The following PTPRG variants were observed in gnomAD, a reference collection of about 807,000 sequenced individuals.
PTPRG encodes the protein protein tyrosine phosphatase receptor type G.
In PTPRG, 102 loss-of-function variants were observed where a neutral mutation model predicts 165.3. The observed-to-expected ratio is 0.62, with a 90% CI of 0.53 to 0.73. The LOEUF (loss-of-function observed/expected upper bound fraction) is 0.73, where lower values mean the gene tolerates loss of function less well. PTPRG is among the 30% of genes least tolerant of loss of function. The pLI is 0.00. For synonymous variants in PTPRG, 675 were observed against 669.5 expected, an observed-to-expected ratio of 1.01 and a Z score of -0.13; for missense variants, 1,866 against 1,861.4, an observed-to-expected ratio of 1.00 and a Z score of -0.05.
chr3:62,183,255 G>C (rs947786124), intron 8 of PTPRG, among the ~76,000 whole-genome samples: 1 of 152,118 alleles, frequency 6.6e-6, no homozygotes, highest in African/African-American at 2.4e-5. Context: ...GATAGGACTC[G>C]TTACTATTAA....
At chr3:61,637,330 T>G (rs1394655010) in intron 1 of PTPRG, among the ~76,000 whole-genome samples, 20 of 152,170 alleles carry the variant, frequency 1.3e-4, no homozygotes, top group Non-Finnish European at 2.9e-5. Flanking sequence ...GGCAAATGAC[T>G]TGAAGGTTAA....
At chr3:61,732,823 C>T (rs2032567098) in intron 1 of PTPRG, among the ~76,000 whole-genome samples, 1 of 152,182 alleles carries the variant, frequency 6.6e-6, no homozygotes, top group South Asian at 2.1e-4. Flanking sequence ...TTCTTATCCC[C>T]ACTGCTCAGT....
chr3:62,098,320 C>T (rs1171457538), intron 5 of PTPRG, among the ~76,000 whole-genome samples: 1 of 152,006 alleles, frequency 6.6e-6, no homozygotes, highest in Admixed American at 6.6e-5. Context: ...TTGCATATCA[C>T]TTACATTGTA....
chr3:62,111,654 G>A (rs1047618629), intron 5 of PTPRG, among the ~76,000 whole-genome samples: 7 of 152,146 alleles, frequency 4.6e-5, no homozygotes, highest in African/African-American at 1.7e-4. Flanking sequence ...TCACTGTGTT[G>A]TCCAGGCTGG....
At chr3:62,061,732 G>A (rs539996567) in intron 4 of PTPRG, among the ~76,000 whole-genome samples, 2 of 151,126 alleles carry the variant, frequency 1.3e-5, no homozygotes, top group South Asian at 2.1e-4. Flanking sequence ...GGGTTTCAGC[G>A]ATTCTCCTGC....
At chr3:61,703,046 A>G (rs537356813) in intron 1 of PTPRG, among the ~76,000 whole-genome samples, 1 of 152,204 alleles carries the variant, frequency 6.6e-6, no homozygotes, top group East Asian at 1.9e-4. Flanking sequence ...TTGCATTTGA[A>G]CCTTGATTCT....
chr3:61,699,683 C>T (rs1225607978), intron 1 of PTPRG, among the ~76,000 whole-genome samples: 2 of 152,078 alleles, frequency 1.3e-5, no homozygotes, highest in African/African-American at 2.4e-5. Flanking sequence ...AAATGATTGT[C>T]ACCTTGGCTT....
chr3:61,772,083 A>AAG (rs2034226154), intron 2 of PTPRG, among the ~76,000 whole-genome samples: 1 of 150,224 alleles, frequency 6.7e-6, no homozygotes, highest in South Asian at 2.1e-4. Flanking sequence ...AAAAAAAAAA[A>AAG]GAATGAATGA....
At chr3:61,806,752 G>A (rs866293051) in intron 2 of PTPRG, among the ~76,000 whole-genome samples, 58 of 152,300 alleles carry the variant, frequency 3.8e-4, no homozygotes, top group African/African-American at 1.3e-3. Flanking sequence ...TGAAATAAGA[G>A]TTTTGCCTAT....
chr3:61,879,858 T>G (rs924252353), intron 2 of PTPRG, among the ~76,000 whole-genome samples: 2 of 152,220 alleles, frequency 1.3e-5, no homozygotes, highest in Non-Finnish European at 2.9e-5. Context: ...CTAGCTCAGC[T>G]CCGTATGGTG....
At chr3:61,817,260 A>C (rs2107239213) in intron 2 of PTPRG, among the ~76,000 whole-genome samples, 1 of 140,110 alleles carries the variant, frequency 7.1e-6, no homozygotes, top group East Asian at 2.0e-4. Context: ...TCTCCATCAA[A>C]AGTAAGTGCT....
intron 1 of PTPRG, among the ~76,000 whole-genome samples, chr3:61,718,834 G>C (rs889675689): frequency 2.0e-5 from 3 of 152,148 alleles, no homozygotes; most frequent in African/African-American, 7.2e-5. Flanking sequence ...TGTAATAGAA[G>C]CATGAAGTTC....
chr3:61,681,867 T>C (rs952808038), intron 1 of PTPRG, among the ~76,000 whole-genome samples: 1 of 152,100 alleles, frequency 6.6e-6, no homozygotes, highest in Non-Finnish European at 1.5e-5. Context: ...AGTAAACTAG[T>C]GGCCGGGCGC....
intron 1 of PTPRG, among the ~76,000 whole-genome samples, chr3:61,714,444 T>C (rs1575605631): frequency 1.3e-5 from 2 of 152,156 alleles, no homozygotes; most frequent in Non-Finnish European, 1.5e-5. Flanking sequence ...GGCTGGATCT[T>C]AAGCAGCCAT....
intron 2 of PTPRG, among the ~76,000 whole-genome samples, chr3:61,836,228 CTTTG>C (rs1490339998): frequency 6.6e-6 from 1 of 152,068 alleles, no homozygotes; most frequent in Non-Finnish European, 1.5e-5. Flanking sequence ...AACCATTGTT[CTTTG>C]TTTAGGCCTT....
chr3:61,977,116 A>G (rs565150820), intron 2 of PTPRG, among the ~76,000 whole-genome samples: 1 of 152,092 alleles, frequency 6.6e-6, no homozygotes, highest in South Asian at 2.1e-4. Flanking sequence ...TACCACAGAT[A>G]GATTGTATAT....
At chr3:62,050,757 G>A (rs1700446106) in intron 4 of PTPRG, among the ~76,000 whole-genome samples, 1 of 152,254 alleles carries the variant, frequency 6.6e-6, no homozygotes, top group Non-Finnish European at 1.5e-5. Flanking sequence ...CAAGGTATCA[G>A]GAATCTGTTT....
At chr3:61,722,337 G>C (rs889417738) in intron 1 of PTPRG, among the ~76,000 whole-genome samples, 1 of 152,038 alleles carries the variant, frequency 6.6e-6, no homozygotes, top group Non-Finnish European at 1.5e-5. Flanking sequence ...GGCCAAATAC[G>C]TTCATTAGGC....
At chr3:62,170,016 A>C (rs903493145) in intron 8 of PTPRG, among the ~76,000 whole-genome samples, 5 of 152,122 alleles carry the variant, frequency 3.3e-5, no homozygotes, top group African/African-American at 1.2e-4. Flanking sequence ...TAAGAATGTG[A>C]TCATTTCCTT....
Sources: allele counts gnomAD v4.1 joint callset (sites outside exome capture counted in the v4.1 genomes callset), GRCh38; gene constraint gnomAD v4.1.1; transcripts MANE v1.5; gene names NCBI Gene and HGNC (gene_info 2026-07-23, HGNC 2026-07-21).